The following SMIM35 variants were observed in gnomAD, a reference collection of about 807,000 sequenced individuals.
SMIM35 encodes the protein TMPRSS4 antisense RNA 1 (non-protein coding).
At chr11:118,085,387 C>A (rs1465919498) in intron 1 of SMIM35, among the ~76,000 whole-genome samples, 1 of 152,010 alleles carries the variant, frequency 6.6e-6, no homozygotes, top group Non-Finnish European at 1.5e-5. Context: ...CCACGCCCAG[C>A]TAATTTTTTG....
In SMIM35 at chr11:118,005,786, A is replaced by G. The variant is rs949865742; in HGVS notation, c.*624T>C. On this transcript the variant is annotated 3_prime_UTR_variant, in exon 5 of 5. Transcript: ENST00000689828. Reference sequence around the variant, plus strand: ...ATGAGGCTCTGTCCTGCTCCTCTGCATCCACTCCTGCTCCCTCAGTCTAAT... The same window carrying G: ...ATGAGGCTCTGTCCTGCTCCTCTGCGTCCACTCCTGCTCCCTCAGTCTAAT... 7 of 152,678 alleles carry G rather than the reference A, an allele frequency of 4.6e-5. No homozygotes were observed. The highest frequency in any genetic ancestry group is 1.4e-4 in the African/African-American group (6 of 41,572). 9.5% of individuals were successfully genotyped at this position (152,678 alleles called of 1,614,324 possible). A position where few individuals can be genotyped will look rare whatever the true frequency, so the allele number is the denominator to read the frequency against.
intron 1 of SMIM35, among the ~76,000 whole-genome samples, chr11:118,024,565 C>T (rs1249847932): frequency 6.6e-6 from 1 of 150,530 alleles, no homozygotes; most frequent in Admixed American, 6.6e-5. Context: ...CTCGACCTCC[C>T]AGGTTTAAGC....
intron 1 of SMIM35, among the ~76,000 whole-genome samples, chr11:118,085,385 A>C (rs1307716256): frequency 6.6e-6 from 1 of 151,846 alleles, no homozygotes. Flanking sequence ...CACCACGCCC[A>C]GCTAATTTTT....
intron 1 of SMIM35, among the ~76,000 whole-genome samples, chr11:118,077,703 T>C (rs1196592627): frequency 6.6e-6 from 1 of 152,186 alleles, no homozygotes; most frequent in Admixed American, 6.5e-5. Context: ...GGGAAACTGA[T>C]TCCTTTTCTT....
chr11:118,042,705 C>T (rs1008099352), intron 1 of SMIM35, among the ~76,000 whole-genome samples: 11 of 152,086 alleles, frequency 7.2e-5, no homozygotes, highest in Non-Finnish European at 1.0e-4. Context: ...CGCAAAAATC[C>T]TCAACAATTA....
chr11:118,061,990 G>A (rs1043380064), intron 1 of SMIM35, among the ~76,000 whole-genome samples: 2 of 152,158 alleles, frequency 1.3e-5, no homozygotes, highest in African/African-American at 4.8e-5. Context: ...GGAATTGGAA[G>A]GTCCTTGACC....
intron 1 of SMIM35, among the ~76,000 whole-genome samples, chr11:118,016,109 C>T (rs2058181130): frequency 1.3e-5 from 2 of 152,168 alleles, no homozygotes; most frequent in South Asian, 4.1e-4. Context: ...AAAAGCTCTA[C>T]CTGTGTCGGG....
intron 4 of SMIM35, among the ~76,000 whole-genome samples, chr11:118,011,284 C>T (rs1473052705): frequency 6.6e-6 from 1 of 152,230 alleles, no homozygotes; most frequent in Non-Finnish European, 1.5e-5. Context: ...GTCCCATCCT[C>T]CCTTTCAAGA....
At chr11:118,082,409 A>G (rs1189251016) in intron 1 of SMIM35, among the ~76,000 whole-genome samples, 1 of 151,994 alleles carries the variant, frequency 6.6e-6, no homozygotes, top group African/African-American at 2.4e-5. Flanking sequence ...AAAGATATAA[A>G]CATTAGCCGA....
At chr11:118,078,013 C>CAAAAAAAA (rs148383275) in intron 1 of SMIM35, among the ~76,000 whole-genome samples, 171 of 71,008 alleles carry the variant, frequency 2.4e-3, no homozygotes, top group East Asian at 3.6e-3. Flanking sequence ...AACTCCGTCT[C>CAAAAAAAA]AAAAAAAAAA....
In SMIM35 at chr11:118,003,885, G is replaced by A. The variant is rs2135004134; in HGVS notation, c.*2525C>T. The A allele has an allele frequency of 6.6e-6, 1 of 152,404 alleles. No individual in the cohort carries two copies. Among genetic ancestry groups the A allele is most frequent in the South Asian group, 2.1e-4 (1 of 4,832 alleles). 9.4% of individuals were successfully genotyped at this position (152,404 alleles called of 1,614,324 possible). A position where few individuals can be genotyped will look rare whatever the true frequency, so the allele number is the denominator to read the frequency against. ...TTCCACATGAAGGATGAGGCAGGAGGCAGAGAAACAGGGTAGGAGGCTGTC... is the reference window on the plus strand; with the variant it reads ...TTCCACATGAAGGATGAGGCAGGAGACAGAGAAACAGGGTAGGAGGCTGTC... On this transcript the variant is annotated 3_prime_UTR_variant, in exon 5 of 5. Transcript: ENST00000689828.
At chr11:118,073,776 T>C (rs1944611680) in intron 1 of SMIM35, among the ~76,000 whole-genome samples, 1 of 152,258 alleles carries the variant, frequency 6.6e-6, no homozygotes, top group Non-Finnish European at 1.5e-5. Flanking sequence ...CGAGTTCCCC[T>C]GGCCTCTGGG....
At chr11:118,076,406 C>T (rs561386010) in intron 1 of SMIM35, among the ~76,000 whole-genome samples, 2 of 152,136 alleles carry the variant, frequency 1.3e-5, no homozygotes, top group African/African-American at 4.8e-5. Context: ...GAGATTGCGC[C>T]CCTGCACTCC....
rs182689611 is a variant in SMIM35, at chr11:118,020,954, G to A, written c.8-5145C>T. Among the ~76,000 whole-genome samples the A allele has an allele frequency of 8.0e-4, 122 of 151,786 alleles. 1 individual carries two copies. The highest frequency in any genetic ancestry group is 2.9e-3 in the African/African-American group (120 of 41,392). On this transcript the variant is annotated intron_variant, in intron 1 of 4. Transcript: ENST00000689828. ...ATACGTAATATTTTTACCTTTGTCT[G>A]ATCTAAATGTTTTTTAATTTCCACT... is the stretch of plus-strand genomic sequence containing the variant.
intron 1 of SMIM35, among the ~76,000 whole-genome samples, chr11:118,064,325 C>A (rs1439254279): frequency 6.6e-6 from 1 of 152,212 alleles, no homozygotes; most frequent in Non-Finnish European, 1.5e-5. Flanking sequence ...ATCAGATAGG[C>A]ACCAATCTGC....
intron 1 of SMIM35, among the ~76,000 whole-genome samples, chr11:118,053,532 C>T (rs570562065): frequency 1.3e-5 from 2 of 152,198 alleles, no homozygotes; most frequent in African/African-American, 4.8e-5. Context: ...CCTTATTCAA[C>T]TCCTCCAAAC....
intron 1 of SMIM35, among the ~76,000 whole-genome samples, chr11:118,042,439 A>G (rs1413088297): frequency 6.6e-6 from 1 of 152,210 alleles, no homozygotes; most frequent in Non-Finnish European, 1.5e-5. Context: ...AATAAGTATA[A>G]CAAATAAAGA....
At chr11:118,085,902 C>A (rs1395793050) in intron 1 of SMIM35, among the ~76,000 whole-genome samples, 1 of 152,186 alleles carries the variant, frequency 6.6e-6, no homozygotes, top group African/African-American at 2.4e-5. Context: ...GAAAGCTGAG[C>A]AAAGTAGAGC....
In SMIM35 at chr11:118,068,834, A is replaced by C. The variant is rs574201877; in HGVS notation, c.7+17917T>G. Among the ~76,000 whole-genome samples the C allele has an allele frequency of 3.3e-5, 5 of 152,338 alleles. No homozygotes were observed. In the East Asian group the frequency reaches 9.6e-4, roughly 29 times the overall value. On this transcript the variant is annotated intron_variant, in intron 1 of 4. Coordinates refer to ENST00000689828, the MANE Select transcript of SMIM35 (RefSeq NM_001394165.1). ...GGCCACCCCACAGAGGCCCAGCGGC[A>C]TCCAGGAGCCGTGGTCTCTCCCCAC... is the stretch of plus-strand genomic sequence containing the variant.
Sources: gnomAD v4.1 joint callset for allele counts (sites outside exome capture counted in the v4.1 genomes callset) on GRCh38, gnomAD v4.1.1 for gene constraint, MANE v1.5 for transcripts, NCBI Gene and HGNC (gene_info 2026-07-23, HGNC 2026-07-21) for gene names.